Variants in BMERB1 observed in about 807,000 individuals in gnomAD.
The protein encoded by BMERB1 is bMERB domain containing 1.
Under a neutral mutation model 23.6 loss-of-function variants are expected in BMERB1, and 12 were observed. The observed-to-expected ratio is 0.51, with a 90% CI of 0.33 to 0.82. BMERB1 has a LOEUF of 0.82. Among genes scored for constraint, BMERB1 ranks in the 40% least tolerant of loss-of-function variants. BMERB1 has a pLI of 0.03. For missense variants in BMERB1, 247 were observed against 255.4 expected (o/e 0.97, Z 0.22); for synonymous variants, 122 against 96.6 (o/e 1.26, Z -1.54).
intron 2 of BMERB1, among the ~76,000 whole-genome samples, chr16:15,562,193 C>T (rs2030439824): frequency 6.7e-6 from 1 of 150,266 alleles, no homozygotes; most frequent in Non-Finnish European, 1.5e-5. Context: ...ATCTCAGCTA[C>T]TTGGAAGGCT....
chr16:15,541,694 C>G (rs2052083178), intron 2 of BMERB1, among the ~76,000 whole-genome samples: 1 of 150,792 alleles, frequency 6.6e-6, no homozygotes, highest in South Asian at 2.1e-4. Flanking sequence ...CTCCGCCTCC[C>G]AGGTTCATGC....
Position 15,434,629 on chromosome 16 carries a change from G to A in BMERB1, c.-25G>A. On this transcript the variant is annotated 5_prime_UTR_variant, in exon 1 of 6. Transcript: ENST00000300006. ...ACGGGAATGGAGTAAAGGGAGACCC[G>A]TCGACCTGGCCACGGGGATCAGCGA... The A allele has an allele frequency of 6.2e-7, 1 of 1,604,722 alleles. No individual in the cohort carries two copies. The highest frequency in any genetic ancestry group is 8.5e-7 in the Non-Finnish European group (1 of 1,171,468).
At chr16:15,470,565 C>T (rs896806838) in intron 1 of BMERB1, among the ~76,000 whole-genome samples, 5 of 150,636 alleles carry the variant, frequency 3.3e-5, no homozygotes, top group African/African-American at 7.3e-5. Flanking sequence ...CTTTCTCTGT[C>T]GCAAGGCTGG....
intron 1 of BMERB1, among the ~76,000 whole-genome samples, chr16:15,476,734 G>A (rs1016332987): frequency 6.6e-6 from 1 of 152,188 alleles, no homozygotes; most frequent in Non-Finnish European, 1.5e-5. Flanking sequence ...AGAGACGGGA[G>A]ACCCATCACC....
chr16:15,455,513 T>G (rs1195953734), intron 1 of BMERB1, among the ~76,000 whole-genome samples: 2 of 151,868 alleles, frequency 1.3e-5, no homozygotes, highest in African/African-American at 4.8e-5. Flanking sequence ...CAGGCTGGAG[T>G]GCAGTGGCAT....
intron 1 of BMERB1, among the ~76,000 whole-genome samples, chr16:15,487,958 G>A (rs1024160325): frequency 2.0e-5 from 3 of 152,124 alleles, no homozygotes; most frequent in African/African-American, 4.8e-5. Flanking sequence ...CTTCTTTACC[G>A]CAACCTGTTT....
intron 1 of BMERB1, among the ~76,000 whole-genome samples, chr16:15,477,813 C>T (rs1274760428): frequency 6.6e-6 from 1 of 151,862 alleles, no homozygotes; most frequent in Non-Finnish European, 1.5e-5. Context: ...AAAACTCAGG[C>T]TGCTCACTGC....
intron 4 of BMERB1, 125 bp from the exon 5 acceptor site, chr16:15,583,031 C>T (rs752270190): frequency 1.1e-5 from 8 of 750,866 alleles, no homozygotes; most frequent in East Asian, 2.4e-5. Context: ...ACGCATAACA[C>T]GTGACAACAT....
chr16:15,568,193 A>C (rs888568575), intron 3 of BMERB1, 137 bp downstream of exon 3: 3 of 677,430 alleles, frequency 4.4e-6, no homozygotes, highest in African/African-American at 3.6e-5. Flanking sequence ...GTCAAACACA[A>C]CTTCGAGTCA....
chr16:15,464,545 A>G (rs2051165537), intron 1 of BMERB1, among the ~76,000 whole-genome samples: 1 of 152,142 alleles, frequency 6.6e-6, no homozygotes, highest in Non-Finnish European at 1.5e-5. Flanking sequence ...TCTTGTGGTT[A>G]TGTCTTGATC....
At chr16:15,546,167 A>G (rs1473114676) in intron 2 of BMERB1, among the ~76,000 whole-genome samples, 1 of 152,130 alleles carries the variant, frequency 6.6e-6, no homozygotes, top group South Asian at 2.1e-4. Context: ...GCACGCCTGT[A>G]TTTCCAGCCA....
intron 1 of BMERB1, among the ~76,000 whole-genome samples, chr16:15,449,685 A>T (rs780981798): frequency 2.0e-5 from 3 of 151,938 alleles, no homozygotes; most frequent in Non-Finnish European, 4.4e-5. Flanking sequence ...AGCTGGGACT[A>T]CAGGTGCACA....
intron 2 of BMERB1, among the ~76,000 whole-genome samples, chr16:15,533,942 C>G (rs1356613090): frequency 6.6e-6 from 1 of 152,136 alleles, no homozygotes; most frequent in East Asian, 1.9e-4. Context: ...TCCAGCTGTA[C>G]AATGTCTGTA....
At chr16:15,565,122 C>G (rs2150971057) in intron 2 of BMERB1, among the ~76,000 whole-genome samples, 1 of 152,016 alleles carries the variant, frequency 6.6e-6, no homozygotes, top group South Asian at 2.1e-4. Context: ...AGATAGGGCC[C>G]CATGCTGGTA....
intron 3 of BMERB1, among the ~76,000 whole-genome samples, chr16:15,572,105 C>G (rs2030743777): frequency 1.3e-5 from 2 of 152,340 alleles, no homozygotes; most frequent in Admixed American, 6.5e-5. Flanking sequence ...ATAAGAACTA[C>G]TACTTTAGTA....
chr16:15,580,838 C>T (rs2030994997), intron 3 of BMERB1, among the ~76,000 whole-genome samples: 1 of 151,378 alleles, frequency 6.6e-6, no homozygotes, highest in African/African-American at 2.4e-5. Context: ...AGCCACCGCA[C>T]CCGGCCAGCT....
intron 1 of BMERB1, among the ~76,000 whole-genome samples, chr16:15,479,470 C>G (rs2051301570): frequency 6.6e-6 from 1 of 152,104 alleles, no homozygotes; most frequent in South Asian, 2.1e-4. Context: ...TTAAAAATGA[C>G]TACTTCTTGA....
chr16:15,466,560 G>T (rs1031398654), intron 1 of BMERB1, among the ~76,000 whole-genome samples: 1 of 151,900 alleles, frequency 6.6e-6, no homozygotes, highest in Non-Finnish European at 1.5e-5. Flanking sequence ...TGTAGTTTGC[G>T]TGCAGTTGTA....
chr16:15,562,840 G>A (rs914983110), intron 2 of BMERB1, among the ~76,000 whole-genome samples: 1 of 152,164 alleles, frequency 6.6e-6, no homozygotes, highest in Non-Finnish European at 1.5e-5. Context: ...ACGCTCATTC[G>A]AGGCAGCTGT....
Sources: gnomAD v4.1 joint callset for allele counts (sites outside exome capture counted in the v4.1 genomes callset) on GRCh38, gnomAD v4.1.1 for gene constraint, MANE v1.5 for transcripts, NCBI Gene and HGNC (gene_info 2026-07-23, HGNC 2026-07-21) for gene names.